The following SYCP1 variants were observed in gnomAD, a reference collection of about 807,000 sequenced individuals.
The protein encoded by SYCP1 is synaptonemal complex protein 1, also known as cancer/testis antigen 8.
Under a neutral mutation model 153.1 loss-of-function variants are expected in SYCP1, and 64 were observed. That is an observed-to-expected ratio of 0.42 (90% CI 0.34 to 0.51). The LOEUF (loss-of-function observed/expected upper bound fraction) is 0.51, where lower values mean the gene tolerates loss of function less well. SYCP1 is among the 20% of genes least tolerant of loss of function. SYCP1 has a pLI of 0.06. For synonymous variants in SYCP1, 384 were observed against 341.8 expected, an observed-to-expected ratio of 1.12 and a Z score of -1.36; for missense variants, 997 against 1,049.0, an observed-to-expected ratio of 0.95 and a Z score of 0.68.
intron 19 of SYCP1, 118 bp from the exon 20 acceptor site, chr1:114,913,857 T>G: frequency 1.5e-6 from 1 of 678,066 alleles, no homozygotes; most frequent in Non-Finnish European, 2.3e-6. Context: ...AAGCCCATTT[T>G]TTTGCTTTAT....
rs1026392783 is a variant in SYCP1 at position 114,994,780 on chromosome 1, C to G, written c.2786C>G (p.Pro929Arg). 1 of 1,584,694 alleles carries G rather than the reference C, an allele frequency of 6.3e-7. No homozygotes were observed. The highest frequency in any genetic ancestry group is 1.4e-5 in the African/African-American group (1 of 72,638). The change falls in exon 31 of 32, where the codon CCA (proline) becomes CGA (arginine). Residue 929 changes from proline (P) to arginine (R), a missense_variant. Physicochemically the swap from Pro to Arg is moderately radical, Grantham distance 103. Around this residue, in one of 2 missense-constraint regions of SYCP1, gnomAD observed 712 missense variants for 682.9 expected, o/e 1.04. Transcript: ENST00000369522. ...GCTTCTCATCTTTGTGTCAAAACAC[C>G]AAAAAAGGTAGCTTTTAAATTTTAT... Reference protein sequence around the residue: ...PPASHLCVKTPKKAPSSLTTP... With the variant: ...PPASHLCVKTRKKAPSSLTTP...
At chr1:114,926,034 G>T (rs977315792) in intron 21 of SYCP1, among the ~76,000 whole-genome samples, 2 of 152,078 alleles carry the variant, frequency 1.3e-5, no homozygotes, top group African/African-American at 2.4e-5. Context: ...AGCACTTTGG[G>T]AGGCTGGGGT....
intron 23 of SYCP1, among the ~76,000 whole-genome samples, chr1:114,935,202 A>G (rs1478942584): frequency 4.6e-5 from 7 of 152,220 alleles, no homozygotes; most frequent in Admixed American, 1.3e-4. Flanking sequence ...ATTGTAACAA[A>G]TTGTCTCTCA....
At chr1:114,988,201 G>A (rs985306597) in intron 30 of SYCP1, among the ~76,000 whole-genome samples, 9 of 151,494 alleles carry the variant, frequency 5.9e-5, no homozygotes, top group African/African-American at 2.2e-4. Flanking sequence ...AGAAGAGGGA[G>A]AGAGGAAGAG....
At chr1:114,876,193 T>G in intron 10 of SYCP1, 55 bp downstream of exon 10, 1 of 1,263,494 alleles carries the variant, frequency 7.9e-7, no homozygotes, top group Non-Finnish European at 1.1e-6. Context: ...ATTTATATTT[T>G]TATCAGATTC....
In SYCP1 at chr1:114,923,432, C is replaced by A. The variant is rs774977405; in HGVS notation, c.1719-17C>A. The A allele has an allele frequency of 2.6e-6, 4 of 1,554,924 alleles. No individual in the cohort carries two copies. In the South Asian group the frequency reaches 4.8e-5, roughly 19 times the overall value. On this transcript the variant is annotated splice_polypyrimidine_tract_variant and intron_variant, in intron 20 of 31. Transcript: ENST00000369522. ...TAATAATTTTTAGTATAATGTCACT[C>A]TTCCATTTTCTTTTAGAAATGAACT...
chr1:114,899,048 C>A (rs1189210341), intron 16 of SYCP1, among the ~76,000 whole-genome samples: 2 of 152,176 alleles, frequency 1.3e-5, no homozygotes, highest in African/African-American at 4.8e-5. Context: ...CTCTGCAAGT[C>A]AAGTTTGACT....
At chr1:114,864,090 G>A (rs1046667599) in intron 8 of SYCP1, among the ~76,000 whole-genome samples, 1 of 150,176 alleles carries the variant, frequency 6.7e-6, no homozygotes, top group Non-Finnish European at 1.5e-5. Flanking sequence ...GTATAGCTAT[G>A]TAACAAAGCT....
intron 16 of SYCP1, among the ~76,000 whole-genome samples, chr1:114,905,970 T>C (rs1310340750): frequency 6.6e-6 from 1 of 152,076 alleles, no homozygotes; most frequent in Non-Finnish European, 1.5e-5. Context: ...CTCTTTTTTG[T>C]CTCTTTTTTT....
At chr1:114,918,790 A>C (rs1668672529) in intron 20 of SYCP1, among the ~76,000 whole-genome samples, 1 of 151,622 alleles carries the variant, frequency 6.6e-6, no homozygotes, top group African/African-American at 2.4e-5. Context: ...TATTTTTCAG[A>C]TTGTTTGCTG....
intron 27 of SYCP1, among the ~76,000 whole-genome samples, chr1:114,952,393 T>C (rs667011): frequency 0.35 from 53,618 of 151,798 alleles, 10,433 homozygotes; most frequent in East Asian, 0.49. Flanking sequence ...AATTTGCGTT[T>C]TTCTGCTGTT....
In SYCP1 at chr1:114,994,731, C is replaced by G. The variant is rs1225257275; in HGVS notation, c.2737C>G (p.Leu913Val). The change falls in exon 31 of 32, where the codon CTG becomes GTG. Residue 913 changes from leucine to valine, a missense_variant. Physicochemically the swap from Leu to Val is conservative, Grantham distance 32. This residue lies in a region of SYCP1 where 712 missense variants were observed against 682.9 expected (regional missense o/e 1.04). Transcript: ENST00000369522. ...TTCAGAAGAAGAGACATTGAAAACA[C>G]TGTATAGGAACAATAATCCACCAGC... Reference protein sequence around the residue: ...MVSEEETLKTLYRNNNPPASH... With the variant: ...MVSEEETLKTVYRNNNPPASH... The G allele has an allele frequency of 6.3e-7, 1 of 1,580,870 alleles. No homozygotes were observed.
At chr1:114,910,528 TA>T (rs1668108896) in intron 17 of SYCP1, 27 bp downstream of exon 17, 1 of 1,404,434 alleles carries the variant, frequency 7.1e-7, no homozygotes, top group Non-Finnish European at 9.6e-7. Flanking sequence ...ATTTTTATTT[TA>T]AATATTTTGT....
intron 20 of SYCP1, among the ~76,000 whole-genome samples, chr1:114,914,518 A>G (rs1668395617): frequency 6.6e-6 from 1 of 152,158 alleles, no homozygotes; most frequent in South Asian, 2.1e-4. Context: ...AAGGTCTTAC[A>G]TCTCTCTAAA....
Position 114,874,543 on chromosome 1 carries a change from G to C in SYCP1, c.636G>C (p.Met212Ile). The C allele has an allele frequency of 6.3e-7, 1 of 1,576,020 alleles. No homozygotes were observed. Among genetic ancestry groups the C allele is most frequent in the African/African-American group, 1.4e-5 (1 of 73,752 alleles). The part of the protein sequence containing the change: ...YEREETRQVY[M>I]DLNNNIEKMI... ...GGGAAGAAACCAGGCAAGTTTATATGGATCTAAATAATAACATTGAGGTGA... is the reference window on the plus strand; with the variant it reads ...GGGAAGAAACCAGGCAAGTTTATATCGATCTAAATAATAACATTGAGGTGA... Residue 212 changes from methionine to isoleucine, a missense_variant, in exon 9 of 32, where the codon ATG (methionine) becomes ATC (isoleucine). Physicochemically the swap from Met to Ile is conservative, Grantham distance 10. Transcript: ENST00000369522.
chr1:114,987,590 A>G (rs186736865), intron 30 of SYCP1, among the ~76,000 whole-genome samples: 1 of 152,146 alleles, frequency 6.6e-6, no homozygotes, highest in East Asian at 1.9e-4. Context: ...ACTTGAGCCC[A>G]GGAGTTCAAA....
At chr1:114,981,905 G>A (rs908064094) in intron 29 of SYCP1, among the ~76,000 whole-genome samples, 3 of 152,090 alleles carry the variant, frequency 2.0e-5, no homozygotes, top group East Asian at 3.9e-4. Context: ...ATTCTGACTT[G>A]ACATTTTATA....
chr1:114,916,143 T>G (rs950500978), intron 20 of SYCP1, among the ~76,000 whole-genome samples: 14 of 152,176 alleles, frequency 9.2e-5, no homozygotes, highest in Non-Finnish European at 2.9e-5. Flanking sequence ...TTGTATGTGG[T>G]TTTTCCATTT....
At chr1:114,933,006 G>T (rs1333779638) in intron 23 of SYCP1, among the ~76,000 whole-genome samples, 1 of 152,218 alleles carries the variant, frequency 6.6e-6, no homozygotes, top group Non-Finnish European at 1.5e-5. Flanking sequence ...AGAAACTTCG[G>T]CAGACTTAAT....
Sources: gnomAD v4.1 joint callset for allele counts (sites outside exome capture counted in the v4.1 genomes callset) on GRCh38, gnomAD v4.1.1 for gene constraint, gnomAD v4.1.1 regional missense constraint, MANE v1.5 for transcripts, NCBI Gene and HGNC (gene_info 2026-07-23, HGNC 2026-07-21) for gene names.